Variants in WASHC3 observed in about 807,000 individuals in gnomAD.
WASHC3 encodes the protein WASH complex subunit CCDC53.
A neutral mutation model predicts 26.1 loss-of-function variants in WASHC3; 24 were observed. The observed-to-expected ratio is 0.92, with a 90% confidence interval of 0.66 to 1.29. WASHC3 has a LOEUF of 1.29. Among genes scored for constraint, WASHC3 ranks in the 50% most tolerant of loss-of-function variants. The pLI is 0.00. For missense variants in WASHC3, 214 were observed against 229.6 expected (o/e 0.93, Z 0.44); for synonymous variants, 77 against 75.7 (o/e 1.02, Z -0.09).
At chr12:102,030,565 G>A (rs1434872246) in intron 5 of WASHC3, among the ~76,000 whole-genome samples, 1 of 152,000 alleles carries the variant, frequency 6.6e-6, no homozygotes, top group Non-Finnish European at 1.5e-5. Flanking sequence ...GACCTATACA[G>A]ATCTAGAAAA....
At chr12:102,054,350 C>T (rs1878507996) in intron 2 of WASHC3, among the ~76,000 whole-genome samples, 1 of 152,150 alleles carries the variant, frequency 6.6e-6, no homozygotes, top group Non-Finnish European at 1.5e-5. Flanking sequence ...CTCACTTCAC[C>T]TTTAAAAAAT....
At chr12:102,047,888 A>G (rs1391723971) in intron 2 of WASHC3, among the ~76,000 whole-genome samples, 1 of 152,232 alleles carries the variant, frequency 6.6e-6, no homozygotes, top group Non-Finnish European at 1.5e-5. Context: ...CTTACACCAA[A>G]TCTATAAAGT....
At chr12:102,055,158 C>G (rs994959557) in intron 2 of WASHC3, among the ~76,000 whole-genome samples, 1 of 152,074 alleles carries the variant, frequency 6.6e-6, no homozygotes, top group Non-Finnish European at 1.5e-5. Context: ...AAACTTTTAG[C>G]TAGATTAAGA....
chr12:102,051,302 G>C (rs1484828270), intron 2 of WASHC3, among the ~76,000 whole-genome samples: 8 of 152,152 alleles, frequency 5.3e-5, no homozygotes, highest in Admixed American at 5.2e-4. Context: ...GAGAGAAACA[G>C]TCAGTTGGTT....
At chr12:102,025,944 T>C in intron 6 of WASHC3, 30 bp downstream of exon 6, 3 of 1,056,652 alleles carry the variant, frequency 2.8e-6, no homozygotes, top group Non-Finnish European at 2.8e-6. Flanking sequence ...GTCCTGGCAA[T>C]AATATCATTA....
At chr12:102,038,494 A>T (rs896287756) in intron 5 of WASHC3, among the ~76,000 whole-genome samples, 2 of 152,138 alleles carry the variant, frequency 1.3e-5, no homozygotes, top group Non-Finnish European at 2.9e-5. Flanking sequence ...ATTTAGAAGC[A>T]TCTCCCTTTT....
intron 1 of WASHC3, 94 bp from the exon 2 acceptor site, chr12:102,061,440 G>T (rs1878807891): frequency 3.7e-6 from 3 of 808,508 alleles, no homozygotes; most frequent in Admixed American, 2.1e-5. Flanking sequence ...GCACTTTGCT[G>T]TGTGATATGA....
intron 5 of WASHC3, among the ~76,000 whole-genome samples, chr12:102,029,291 T>A (rs1415496828): frequency 1.3e-5 from 2 of 152,216 alleles, no homozygotes; most frequent in Admixed American, 1.3e-4. Flanking sequence ...AACTGAAGTC[T>A]ACTGAACTGT....
chr12:102,021,539 A>AT (rs1191592459), intron 6 of WASHC3, among the ~76,000 whole-genome samples: 1 of 152,050 alleles, frequency 6.6e-6, no homozygotes, highest in Non-Finnish European at 1.5e-5. Flanking sequence ...ACCAATTACA[A>AT]TTTTTTGATA....
chr12:102,019,856 C>G (rs181181119), intron 6 of WASHC3, among the ~76,000 whole-genome samples: 52 of 152,296 alleles, frequency 3.4e-4, no homozygotes, highest in Admixed American at 2.0e-3. Flanking sequence ...GCAGGAAGGA[C>G]GAAGTATATA....
At chr12:102,061,415 G>C in intron 1 of WASHC3, 69 bp from the exon 2 acceptor site, 1 of 1,027,082 alleles carries the variant, frequency 9.7e-7, no homozygotes, top group Non-Finnish European at 1.5e-6. Flanking sequence ...TTTCATATTT[G>C]GACATAATCA....
At chr12:102,016,852 C>G (rs966839285) in intron 6 of WASHC3, among the ~76,000 whole-genome samples, 6 of 151,980 alleles carry the variant, frequency 3.9e-5, no homozygotes, top group Non-Finnish European at 5.9e-5. Context: ...AGTAGTATTA[C>G]AAAATAGTTA....
At position 102,025,986 on chromosome 12, in the gene WASHC3, G is replaced by A. The variant is rs750121511; in HGVS notation, c.488C>T (p.Pro163Leu). The A allele has an allele frequency of 2.0e-6, 3 of 1,504,182 alleles. No individual in the cohort carries two copies. In the African/African-American group the frequency reaches 4.1e-5, roughly 21 times the overall value. 93.2% of individuals were successfully genotyped at this position (1,504,182 alleles called of 1,614,324 possible). A position where few individuals can be genotyped will look rare whatever the true frequency, so the allele number is the denominator to read the frequency against. ...RNKMISEGLD[P>L]DLLERPDAPV... is the part of the protein sequence containing the mutation. ...AAGAATTACTTACTCAAGAAGATCT[G>A]GGTCTAGTCCTTCTGATATCATTTT... The change falls in exon 6 of 7, where the codon CCA becomes CTA. Residue 163 changes from proline (P) to leucine (L), a missense_variant. Pro to Leu is a moderately conservative substitution (Grantham distance 98, BLOSUM62 -3). Transcript: ENST00000240079.
intron 2 of WASHC3, among the ~76,000 whole-genome samples, chr12:102,056,207 C>G (rs1367990543): frequency 6.6e-6 from 1 of 152,188 alleles, no homozygotes; most frequent in African/African-American, 2.4e-5. Context: ...CAATGGTGGA[C>G]TTAATTCTGC....
intron 4 of WASHC3, chr12:102,040,421 G>A (rs1463974752): frequency 6.6e-6 from 1 of 151,932 alleles, no homozygotes; most frequent in African/African-American, 2.4e-5. Context: ...ACCTAATTGA[G>A]CCCTTTATTT....
At position 102,013,065 on chromosome 12, in the gene WASHC3, T is replaced by G. The variant is rs771511718; in HGVS notation, c.*43A>C. The G allele has an allele frequency of 2.3e-6, 2 of 851,944 alleles. No homozygotes were observed. The highest frequency in any genetic ancestry group is 3.8e-6 in the Non-Finnish European group (2 of 523,654). 52.8% of individuals were successfully genotyped at this position (851,944 alleles called of 1,614,324 possible). ...GGCTCAATCTCTTACAGAATGTAAA[T>G]GTACCCCTATGCATGCATATGTAAT... On this transcript the variant is annotated 3_prime_UTR_variant, in exon 7 of 7. Transcript: ENST00000240079.
intron 5 of WASHC3, among the ~76,000 whole-genome samples, chr12:102,033,399 T>A (rs1877514222): frequency 6.6e-6 from 1 of 152,028 alleles, no homozygotes; most frequent in African/African-American, 2.4e-5. Context: ...ATAATTAAAA[T>A]AGTAGGAGAA....
intron 6 of WASHC3, chr12:102,019,460 C>A (rs1319897092): frequency 7.2e-6 from 2 of 278,792 alleles, no homozygotes; most frequent in South Asian, 3.1e-5. Context: ...TCTCCCAATT[C>A]AAAGAAAACA....
chr12:102,053,881 A>G (rs975315886), intron 2 of WASHC3, among the ~76,000 whole-genome samples: 6 of 152,014 alleles, frequency 3.9e-5, no homozygotes, highest in African/African-American at 7.3e-5. Flanking sequence ...ATTAAAAATA[A>G]TAATAGCTAC....
Sources: gnomAD v4.1 joint callset for allele counts (sites outside exome capture counted in the v4.1 genomes callset) on GRCh38, gnomAD v4.1.1 for gene constraint, MANE v1.5 for transcripts, NCBI Gene and HGNC (gene_info 2026-07-23, HGNC 2026-07-21) for gene names.